The following WRNIP1 variants were observed in gnomAD, a reference collection of about 807,000 sequenced individuals.
WRNIP1 encodes ATPase WRNIP1.
WRNIP1 carries 41 observed loss-of-function variants against 56.1 expected under a neutral mutation model. The ratio of observed to expected loss-of-function variants is 0.73; its 90% CI spans 0.57 to 0.95. The LOEUF is 0.95. Among genes scored for constraint, WRNIP1 ranks in the 40% least tolerant of loss-of-function variants. The pLI, the probability that WRNIP1 is intolerant of heterozygous loss-of-function variation, is 0.00. For synonymous variants in WRNIP1, 547 were observed against 398.1 expected (o/e 1.37, Z -4.45); for missense variants, 1,170 against 939.4 (o/e 1.25, Z -3.21).
chr6:2,783,509 G>C lies in WRNIP1; in HGVS notation c.1590G>C (p.Glu530Asp), dbSNP rs1765623749. Reference sequence around the variant, plus strand: ...TGGCTCGCATGCTCGAGGGAGGAGAGGACCCACTCTACGTGGCACGGAGGC... The same window carrying C: ...TGGCTCGCATGCTCGAGGGAGGAGACGACCCACTCTACGTGGCACGGAGGC... The part of the protein sequence containing the change: ...YWLARMLEGG[E>D]DPLYVARRLV... Residue 530 changes from glutamate (E) to aspartate (D), a missense_variant, in exon 5 of 7, where the codon GAG becomes GAC. Glu to Asp is a conservative substitution (Grantham distance 45). Transcript: ENST00000380773. The C allele has an allele frequency of 6.2e-7, 1 of 1,613,760 alleles. No homozygotes were observed. The highest frequency in any genetic ancestry group is 1.3e-5 in the African/African-American group (1 of 74,892).
At chr6:2,776,663 A>G (rs1765439568) in intron 3 of WRNIP1, among the ~76,000 whole-genome samples, 1 of 152,236 alleles carries the variant, frequency 6.6e-6, no homozygotes, top group South Asian at 2.1e-4. Flanking sequence ...GTAGACGGCT[A>G]GCTGGCTTCT....
chr6:2,777,148 A>T (rs755017023), intron 3 of WRNIP1, among the ~76,000 whole-genome samples: 2 of 152,198 alleles, frequency 1.3e-5, no homozygotes, highest in Non-Finnish European at 2.9e-5. Context: ...TGCTGGAAAT[A>T]TGGATTCTTT....
chr6:2,770,151 C>G lies in WRNIP1; in HGVS notation c.1046C>G (p.Thr349Arg). 1 of 1,614,206 alleles carries G rather than the reference C, an allele frequency of 6.2e-7. No homozygotes were observed. The highest frequency in any genetic ancestry group is 8.5e-7 in the Non-Finnish European group (1 of 1,180,022). ...TTCCTTCCTCACGTGGAATGTGGGA[C>G]GATCACTCTGATTGGGGCAACCACT... ...DTFLPHVECG[T>R]ITLIGATTEN... is the part of the protein sequence containing the mutation. The change falls in exon 3 of 7, where the codon ACG (threonine) becomes AGG (arginine). Residue 349 changes from threonine to arginine, a missense_variant. Coordinates refer to ENST00000380773, the MANE Select transcript of WRNIP1 (RefSeq NM_020135.3).
At position 2,766,028 on chromosome 6, in the gene WRNIP1, A is replaced by G; in HGVS notation, c.406A>G (p.Arg136Gly). The G allele has an allele frequency of 7.6e-7, 1 of 1,318,422 alleles. No homozygotes were observed. Among genetic ancestry groups the G allele is most frequent in the South Asian group, 2.0e-5 (1 of 48,810 alleles). The allele number at this position is 1,318,422 out of a possible 1,614,324, so 81.7% of individuals were successfully genotyped here. ...FPVARSSSPG[R>G]KGSGKRPAAA... ...GGTGGCCCGCTCCAGCAGCCCCGGGAGGAAGGGGTCGGGGAAGAGGCCGGC... is the reference window on the plus strand; with the variant it reads ...GGTGGCCCGCTCCAGCAGCCCCGGGGGGAAGGGGTCGGGGAAGAGGCCGGC... The change falls in exon 1 of 7, where the codon AGG becomes GGG. Residue 136 changes from arginine (R) to glycine (G), a missense_variant. Transcript: ENST00000380773.
intron 2 of WRNIP1, 21 bp from the exon 3 acceptor site, chr6:2,770,099 C>T (rs1180654385): frequency 6.2e-7 from 1 of 1,610,498 alleles, no homozygotes; most frequent in East Asian, 2.2e-5. Flanking sequence ...TCACTTTTTT[C>T]TGTTTTCCTC....
rs1258652699 is a variant in WRNIP1 at position 2,784,487 on chromosome 6, C to T, written c.1722+84C>T. 6 of 1,403,030 alleles carry T rather than the reference C, an allele frequency of 4.3e-6. No homozygotes were observed. The African/African-American group carries it at 8.5e-5, about 20-fold the overall frequency. The allele number at this position is 1,403,030 out of a possible 1,614,324, so 86.9% of individuals were successfully genotyped here. A position where few individuals can be genotyped will look rare whatever the true frequency, so the allele number is the denominator to read the frequency against. ...TTTGTAGATTTGAATAAATGTCCCTCCTTCACCATTGGTGTATTGGACCCA... is the reference window on the plus strand; with the variant it reads ...TTTGTAGATTTGAATAAATGTCCCTTCTTCACCATTGGTGTATTGGACCCA... On this transcript the variant is annotated intron_variant, in intron 6 of 6. Transcript: ENST00000380773.
chr6:2,772,636 G>C (rs1444348573), intron 3 of WRNIP1, among the ~76,000 whole-genome samples: 1 of 152,190 alleles, frequency 6.6e-6, no homozygotes, highest in Non-Finnish European at 1.5e-5. Flanking sequence ...AGAATGTTAA[G>C]CTTAAAACCA....
Position 2,766,946 on chromosome 6 carries a change from TAAG to T in WRNIP1, c.822+505_822+507del, listed in dbSNP as rs1157985758. Among the ~76,000 whole-genome samples the T allele has an allele frequency of 3.3e-5, 5 of 152,384 alleles. No individual in the cohort carries two copies. The South Asian group carries it at 6.2e-4, about 19-fold the overall frequency. ...GGTTTAACAGACTGGTATTTATTCT[TAAG>T]AATAAGTTTATTTAACATTCTTATA... On this transcript the variant is annotated intron_variant, in intron 1 of 6. Coordinates refer to ENST00000380773, the MANE Select transcript of WRNIP1 (RefSeq NM_020135.3).
intron 4 of WRNIP1, among the ~76,000 whole-genome samples, chr6:2,781,025 A>G (rs1249292409): frequency 2.6e-5 from 4 of 152,196 alleles, no homozygotes; most frequent in Non-Finnish European, 4.4e-5. Flanking sequence ...CTGACCCGTA[A>G]ATCCAGGTCT....
intron 3 of WRNIP1, among the ~76,000 whole-genome samples, chr6:2,775,371 T>C (rs1011547003): frequency 6.6e-6 from 1 of 152,202 alleles, no homozygotes; most frequent in South Asian, 2.1e-4. Context: ...GTAGGTAAGG[T>C]ACATGTGGCT....
At chr6:2,773,747 T>C in intron 3 of WRNIP1, 1 of 964,388 alleles carries the variant, frequency 1.0e-6, no homozygotes, top group South Asian at 4.9e-5. Flanking sequence ...TCATAGAATA[T>C]ATACATAGTC....
At chr6:2,784,900 A>G in intron 6 of WRNIP1, 107 bp from the exon 7 acceptor site, 2 of 1,384,030 alleles carry the variant, frequency 1.4e-6, no homozygotes, top group African/African-American at 1.4e-5. Context: ...TAATAAAAGC[A>G]TGTGGGGATC....
rs762410197 is a variant in WRNIP1 at position 2,785,343 on chromosome 6, T to C, written c.*61T>C. The stretch of plus-strand genomic sequence containing the variant: ...TTTAAGGGAGGGCCAGAAAGAAAGT[T>C]AGTGGATTGCAAAGTTGGTTGCCTG... On this transcript the variant is annotated 3_prime_UTR_variant, in exon 7 of 7. Coordinates refer to ENST00000380773, the MANE Select transcript of WRNIP1 (RefSeq NM_020135.3). The C allele has an allele frequency of 1.5e-4, 242 of 1,570,690 alleles. No individual in the cohort carries two copies. The highest frequency in any genetic ancestry group is 1.9e-4 in the Non-Finnish European group (219 of 1,158,036).
intron 3 of WRNIP1, among the ~76,000 whole-genome samples, chr6:2,771,086 C>T (rs1765263924): frequency 6.6e-6 from 1 of 152,140 alleles, no homozygotes; most frequent in East Asian, 1.9e-4. Flanking sequence ...TTTGTTCATA[C>T]GTTGGCTGAA....
At chr6:2,780,356 G>C (rs1332564839) in intron 4 of WRNIP1, among the ~76,000 whole-genome samples, 1 of 152,194 alleles carries the variant, frequency 6.6e-6, no homozygotes, top group Non-Finnish European at 1.5e-5. Context: ...AGGGGTGGAG[G>C]GGCTTAAGAA....
rs1354568545 is a variant in WRNIP1 at position 2,766,092 on chromosome 6, G to C, written c.470G>C (p.Trp157Ser). 3 of 1,314,398 alleles carry C rather than the reference G, an allele frequency of 2.3e-6. No homozygotes were observed. Among genetic ancestry groups the C allele is most frequent in the Non-Finnish European group, 2.9e-6 (3 of 1,039,216 alleles). 81.4% of individuals were successfully genotyped at this position (1,314,398 alleles called of 1,614,324 possible). Residue 157 changes from tryptophan (W) to serine (S), a missense_variant, in exon 1 of 7, where the codon TGG becomes TCG. Coordinates refer to ENST00000380773, the MANE Select transcript of WRNIP1 (RefSeq NM_020135.3). ...AAAGSASPRS[W>S]DEAEAQEEEE... ...GCGGGGAGCGCGTCTCCGCGCAGCT[G>C]GGACGAGGCGGAGGCGCAGGAGGAG...
chr6:2,776,227 T>C (rs1363941577), intron 3 of WRNIP1, among the ~76,000 whole-genome samples: 1 of 152,174 alleles, frequency 6.6e-6, no homozygotes, highest in African/African-American at 2.4e-5. Context: ...ACTTAGTAAA[T>C]GGGAGTTCAA....
At position 2,785,884 on chromosome 6, in the gene WRNIP1, T is replaced by C. The variant is rs557963385; in HGVS notation, c.*602T>C. 1 of 154,368 alleles carries C rather than the reference T, an allele frequency of 6.5e-6. No homozygotes were observed. The highest frequency in any genetic ancestry group is 2.4e-5 in the African/African-American group (1 of 41,572). The allele number at this position is 154,368 out of a possible 1,614,324, so 9.6% of individuals were successfully genotyped here. ...GGAGCTTAAGTTAAGAAGTCAGTGT[T>C]ATCTTGTTGAAAGTTAACTCTGATC... On this transcript the variant is annotated 3_prime_UTR_variant, in exon 7 of 7. Coordinates refer to ENST00000380773, the MANE Select transcript of WRNIP1 (RefSeq NM_020135.3).
In WRNIP1 at chr6:2,786,087, G is replaced by A. The variant is rs527757009; in HGVS notation, c.*805G>A. On this transcript the variant is annotated 3_prime_UTR_variant, in exon 7 of 7. Transcript: ENST00000380773. Reference sequence around the variant, plus strand: ...CAAAATACGCCACTCCTTCTGCTCAGTTAAGAGTTATTTGTCCCTACTGCT... The same window carrying A: ...CAAAATACGCCACTCCTTCTGCTCAATTAAGAGTTATTTGTCCCTACTGCT... 132 of 152,256 alleles carry A rather than the reference G, an allele frequency of 8.7e-4. 2 individuals are homozygous for A. The highest frequency in any genetic ancestry group is 1.7e-3 in the Non-Finnish European group (114 of 68,022). The allele number at this position is 152,256 out of a possible 1,614,324, so 9.4% of individuals were successfully genotyped here. A position where few individuals can be genotyped will look rare whatever the true frequency, so the allele number is the denominator to read the frequency against.
Sources: allele counts gnomAD v4.1 joint callset (sites outside exome capture counted in the v4.1 genomes callset), GRCh38; gene constraint gnomAD v4.1.1; transcripts MANE v1.5; gene names NCBI Gene and HGNC (gene_info 2026-07-23, HGNC 2026-07-21).